Variants in PVT1 observed in about 807,000 individuals in gnomAD.
PVT1 encodes Pvt1 oncogene.
intron 4 of PVT1, chr8:128,010,624 T>A (rs1189248141): frequency 6.6e-6 from 1 of 152,224 alleles, no homozygotes; most frequent in African/African-American, 2.4e-5. Context: ...TGGCTTTCTT[T>A]AATAGCAAAT....
At chr8:127,865,675 T>C (rs1465272851) in intron 2 of PVT1, among the ~76,000 whole-genome samples, 2 of 152,172 alleles carry the variant, frequency 1.3e-5, no homozygotes, top group Non-Finnish European at 2.9e-5. Flanking sequence ...CTGCTAACAC[T>C]CAGTGAGACC....
At chr8:127,993,710 A>G in intron 4 of PVT1, among the ~76,000 whole-genome samples, 1 of 152,238 alleles carries the variant, frequency 6.6e-6, no homozygotes, top group Non-Finnish European at 1.5e-5. Flanking sequence ...AAAGTGAGGA[A>G]GAAAGTATTC....
At position 127,898,932 on chromosome 8, in the gene PVT1, C is replaced by T. The variant is rs1815724177; in HGVS notation, n.782+7934C>T. 2.0e-5 allele frequency among the ~76,000 whole-genome samples: 3 copies of T among 151,984 alleles called. No individual in the cohort carries two copies. Among genetic ancestry groups the T allele is most frequent in the Non-Finnish European group, 4.4e-5 (3 of 67,978 alleles). On this transcript the variant is annotated intron_variant and non_coding_transcript_variant, in intron 3 of 10. Transcript: ENST00000651587. This position sits in a 1 kb window ranked among gnomAD's most constrained non-coding sequence, Gnocchi z 4.4. ...CCTGATTACTGGGAAGTGCAATGGA[C>T]ACCCCCACCCCCCGTTGACTTATCT...
intron 2 of PVT1, among the ~76,000 whole-genome samples, chr8:127,841,252 C>A (rs1230922821): frequency 6.6e-6 from 1 of 152,134 alleles, no homozygotes; most frequent in Non-Finnish European, 1.5e-5. Context: ...GAGGTAGGTA[C>A]TATTAGCCCC....
chr8:127,903,611 A>G (rs1383063655), intron 3 of PVT1, among the ~76,000 whole-genome samples: 1 of 152,192 alleles, frequency 6.6e-6, no homozygotes, highest in Non-Finnish European at 1.5e-5. Context: ...GTGGTGATAA[A>G]TAGGGATTCT....
At chr8:127,947,510 G>C (rs1669615082) in intron 3 of PVT1, 1 of 356,536 alleles carries the variant, frequency 2.8e-6, no homozygotes, top group Non-Finnish European at 5.5e-6. Context: ...CAGGCACACT[G>C]AGCCTGTAGG....
At chr8:128,100,001 T>C (rs1397439875) in intron 6 of PVT1, 1 of 152,194 alleles carries the variant, frequency 6.6e-6, no homozygotes, top group East Asian at 1.9e-4. Flanking sequence ...GATTGATGGC[T>C]GTATGGGGTG....
intron 6 of PVT1, among the ~76,000 whole-genome samples, chr8:128,098,980 T>C (rs192430841): frequency 1.2e-4 from 18 of 152,352 alleles, no homozygotes; most frequent in Admixed American, 7.8e-4. Context: ...TCTGGACTTT[T>C]CCCATTAATT....
At chr8:127,945,364 C>T (rs1816407842) in intron 3 of PVT1, among the ~76,000 whole-genome samples, 1 of 152,122 alleles carries the variant, frequency 6.6e-6, no homozygotes, top group African/African-American at 2.4e-5. Flanking sequence ...GATCACATTG[C>T]CCTCCAGAAC....
At chr8:127,808,814 G>A (rs915221044) in intron 2 of PVT1, among the ~76,000 whole-genome samples, 1 of 151,924 alleles carries the variant, frequency 6.6e-6, no homozygotes, top group Non-Finnish European at 1.5e-5. Flanking sequence ...CAGATCACTT[G>A]AGGTCAGGAG....
intron 3 of PVT1, among the ~76,000 whole-genome samples, chr8:127,922,653 G>C (rs1321939809): frequency 6.6e-6 from 1 of 152,150 alleles, no homozygotes; most frequent in Non-Finnish European, 1.5e-5. Flanking sequence ...GGGAGATCTT[G>C]CTCATCCATC....
chr8:127,814,611 G>A lies in PVT1; in HGVS notation n.372+18540G>A, dbSNP rs1586390701. 2.0e-5 allele frequency among the ~76,000 whole-genome samples: 3 copies of A among 152,346 alleles called. No individual in the cohort carries two copies. In the East Asian group the frequency reaches 5.8e-4, roughly 29 times the overall value. On this transcript the variant is annotated intron_variant and non_coding_transcript_variant, in intron 2 of 10. Transcript: ENST00000651587. ...ACCATCCTCATTTTACAGATGTTGG[G>A]ATTGAGGCACAGACAGTTTATTTTT...
At chr8:127,908,433 C>G (rs142005539) in intron 3 of PVT1, among the ~76,000 whole-genome samples, 3,678 of 151,786 alleles carry the variant, frequency 0.024, 65 homozygotes, top group Middle Eastern at 0.061. Flanking sequence ...CCTCCGCCTC[C>G]TGGGTTCAAG....
At chr8:128,001,514 G>T (rs1355180379) in intron 4 of PVT1, among the ~76,000 whole-genome samples, 2 of 152,074 alleles carry the variant, frequency 1.3e-5, no homozygotes, top group East Asian at 3.9e-4. Flanking sequence ...CACTTCCTGT[G>T]ACCCTTTCAG....
chr8:127,812,264 C>CAGGAAGGAAGGA (rs112398801), intron 2 of PVT1, among the ~76,000 whole-genome samples: 6 of 126,030 alleles, frequency 4.8e-5, no homozygotes, highest in Admixed American at 3.7e-4. Context: ...GGCAGGAAGG[C>CAGGAAGGAAGGA]AGGAAGGAAG....
chr8:127,967,996 A>C (rs1409559017), intron 3 of PVT1, among the ~76,000 whole-genome samples: 1 of 152,220 alleles, frequency 6.6e-6, no homozygotes, highest in Non-Finnish European at 1.5e-5. Flanking sequence ...TGGAGCACTC[A>C]TTCCTATTCG....
intron 3 of PVT1, among the ~76,000 whole-genome samples, chr8:127,915,570 T>A (rs1815973389): frequency 7.6e-6 from 1 of 131,954 alleles, no homozygotes; most frequent in Admixed American, 8.8e-5. Flanking sequence ...CGAGATTGCA[T>A]CATTGCATTT....
intron 4 of PVT1, among the ~76,000 whole-genome samples, chr8:128,062,564 C>T (rs1240124792): frequency 6.6e-6 from 1 of 152,044 alleles, no homozygotes; most frequent in Non-Finnish European, 1.5e-5. Context: ...CTTAAAAAGG[C>T]AAAATTATAT....
intron 3 of PVT1, among the ~76,000 whole-genome samples, chr8:127,903,179 A>G (rs951962131): frequency 6.6e-6 from 1 of 152,176 alleles, no homozygotes; most frequent in Non-Finnish European, 1.5e-5. Context: ...AATTTTTCCA[A>G]TGACTAGTGA....
Sources: allele counts gnomAD v4.1 joint callset (sites outside exome capture counted in the v4.1 genomes callset), GRCh38; gene constraint gnomAD v4.1.1; non-coding constraint Gnocchi (gnomAD v3.1); transcripts MANE v1.5; gene names NCBI Gene and HGNC (gene_info 2026-07-23, HGNC 2026-07-21).